RFX2: variants seen among roughly 807,000 people sequenced by gnomAD.
The protein encoded by RFX2 is DNA-binding protein RFX2.
RFX2 carries 20 observed loss-of-function variants against 87.8 expected under a neutral mutation model. The ratio of observed to expected loss-of-function variants is 0.23; its 90% CI spans 0.16 to 0.33. RFX2 has a LOEUF of 0.33. RFX2 is among the 10% of genes least tolerant of loss of function. The pLI, the probability that RFX2 is intolerant of heterozygous loss-of-function variation, is 1.00. For synonymous variants in RFX2, 397 were observed against 431.3 expected, an observed-to-expected ratio of 0.92 and a Z score of 0.98; for missense variants, 767 against 1,012.3, an observed-to-expected ratio of 0.76 and a Z score of 3.29.
At chr19:6,086,091 C>T (rs1337937040) in intron 1 of RFX2, among the ~76,000 whole-genome samples, 1 of 59,452 alleles carries the variant, frequency 1.7e-5, no homozygotes, top group Non-Finnish European at 3.1e-5. Flanking sequence ...GATCCTGTCT[C>T]AAAAAAAAAA....
intron 1 of RFX2, among the ~76,000 whole-genome samples, chr19:6,107,193 G>A (rs1488885960): frequency 6.6e-6 from 1 of 152,156 alleles, no homozygotes; most frequent in African/African-American, 2.4e-5. Context: ...CTATTCGGGA[G>A]GCTGAGGCAG....
chr19:6,037,445 C>T (rs1057073813), intron 5 of RFX2, among the ~76,000 whole-genome samples: 1 of 152,066 alleles, frequency 6.6e-6, no homozygotes, highest in Admixed American at 6.5e-5. Context: ...AATAGCTCTC[C>T]AAACATGAAA....
At chr19:6,029,573 G>T (rs994574568) in intron 5 of RFX2, among the ~76,000 whole-genome samples, 16 of 152,156 alleles carry the variant, frequency 1.1e-4, no homozygotes, top group Non-Finnish European at 2.4e-4. Context: ...GCTAGGCGTG[G>T]TGGTGGGCGT....
At chr19:6,079,696 G>T (rs111856345) in intron 1 of RFX2, among the ~76,000 whole-genome samples, 5,194 of 152,100 alleles carry the variant, frequency 0.034, 324 homozygotes, top group African/African-American at 0.12. Flanking sequence ...GACCATCCTG[G>T]CCAACATGGT....
In RFX2 at chr19:6,013,376, G is replaced by A. The variant is rs2086684263; in HGVS notation, c.780-271C>T. The stretch of plus-strand genomic sequence containing the variant: ...TATTTTTGTATTTTTAGTGGAGACG[G>A]GGTTTTGCCATGTTGGCCAGGCTGG... On this transcript the variant is annotated intron_variant, in intron 7 of 17. Transcript: ENST00000303657. The surrounding 1 kb of genome is among the most constrained non-coding windows in gnomAD (Gnocchi z 4.1). Among the ~76,000 whole-genome samples, 1 of 151,922 alleles carries A rather than the reference G, an allele frequency of 6.6e-6. No individual in the cohort carries two copies. The highest frequency in any genetic ancestry group is 2.4e-5 in the African/African-American group (1 of 41,354).
rs1248003412 is a variant in RFX2 at position 5,999,132 on chromosome 19, T to C, written c.1860-1919A>G. Among the ~76,000 whole-genome samples, 1 of 152,228 alleles carries C rather than the reference T, an allele frequency of 6.6e-6. No homozygotes were observed. The highest frequency in any genetic ancestry group is 1.9e-4 in the East Asian group (1 of 5,174). Reference sequence around the variant, plus strand: ...TCAGCCAGGCCTGGTGGTGGGCACCTGTAATCCCAGCTATTCAGGAGGCTG... The same window carrying C: ...TCAGCCAGGCCTGGTGGTGGGCACCCGTAATCCCAGCTATTCAGGAGGCTG... On this transcript the variant is annotated intron_variant, in intron 15 of 17. Transcript: ENST00000303657. The surrounding 1 kb of genome is among the most constrained non-coding windows in gnomAD (Gnocchi z 4.1).
chr19:6,070,313 G>A (rs545318775), intron 1 of RFX2, among the ~76,000 whole-genome samples: 1 of 151,966 alleles, frequency 6.6e-6, no homozygotes, highest in South Asian at 2.1e-4. Context: ...GCATGGATAT[G>A]CATCCACCAG....
intron 5 of RFX2, among the ~76,000 whole-genome samples, chr19:6,031,423 CTTTTT>C (rs58834364): frequency 1.1e-5 from 1 of 90,186 alleles, no homozygotes; most frequent in African/African-American, 4.2e-5. Context: ...TTCTCCTTCC[CTTTTT>C]TTTTTTTTTT....
chr19:6,048,355 C>G (rs1452186706), intron 1 of RFX2, among the ~76,000 whole-genome samples: 2 of 152,204 alleles, frequency 1.3e-5, no homozygotes, highest in African/African-American at 4.8e-5. Flanking sequence ...TATAAAACCA[C>G]TCATTTAATA....
rs527592990 is a variant in RFX2, at chr19:6,024,003, C to A, written c.597+2160G>T. 6.6e-6 allele frequency among the ~76,000 whole-genome samples: 1 copy of A among 152,164 alleles called. No homozygotes were observed. The highest frequency in any genetic ancestry group is 1.5e-5 in the Non-Finnish European group (1 of 68,016). On this transcript the variant is annotated intron_variant, in intron 6 of 17. Transcript: ENST00000303657. The surrounding 1 kb of genome is among the most constrained non-coding windows in gnomAD (Gnocchi z 5.0). Reference sequence around the variant, plus strand: ...TCATGTTGGTCAGGCTGGTCTGGAACTCCTGACCTCAAGTGGTACACCCGC... The same window carrying A: ...TCATGTTGGTCAGGCTGGTCTGGAAATCCTGACCTCAAGTGGTACACCCGC...
chr19:6,071,214 G>A (rs929392958), intron 1 of RFX2, among the ~76,000 whole-genome samples: 20 of 152,200 alleles, frequency 1.3e-4, no homozygotes, highest in African/African-American at 4.1e-4. Flanking sequence ...AGTCATGCTC[G>A]AATTATGCAA....
chr19:6,073,484 A>T (rs1032535282), intron 1 of RFX2: 9 of 829,108 alleles, frequency 1.1e-5, no homozygotes, highest in Non-Finnish European at 1.7e-5. Flanking sequence ...AGCTGCCGTC[A>T]GAGTCACCAA....
At chr19:6,046,318 C>T (rs569980227) in intron 2 of RFX2, among the ~76,000 whole-genome samples, 13 of 152,302 alleles carry the variant, frequency 8.5e-5, no homozygotes, top group Admixed American at 2.0e-4. Context: ...TGGTGGCTCA[C>T]GCCTGTAATC....
rs558336165 is a variant in RFX2, at chr19:6,089,674, T to C, written c.-9+20719A>G. ...CAGAAAGCAGGCCCTCCCCAGACACTGAATCTGCCAGTGCCTTGATCTTGG... is the reference window on the plus strand; with the variant it reads ...CAGAAAGCAGGCCCTCCCCAGACACCGAATCTGCCAGTGCCTTGATCTTGG... On this transcript the variant is annotated intron_variant, in intron 1 of 17. Coordinates refer to ENST00000303657, the MANE Select transcript of RFX2 (RefSeq NM_000635.4). Among the ~76,000 whole-genome samples the C allele has an allele frequency of 2.1e-4, 32 of 152,276 alleles. No individual in the cohort carries two copies. In the South Asian group the frequency reaches 5.2e-3, roughly 25 times the overall value.
At position 5,997,238 on chromosome 19, in the gene RFX2, G is replaced by A. The variant is rs778116547; in HGVS notation, c.1860-25C>T. The A allele has an allele frequency of 1.1e-5, 17 of 1,598,838 alleles. No homozygotes were observed. The African/African-American group carries it at 2.1e-4, about 20-fold the overall frequency. ...GCTGGGGACAAGCGGACAGAGGCTG[G>A]GGACCCTCAGGGGAGCATGGAACCC... is the stretch of plus-strand genomic sequence containing the variant. On this transcript the variant is annotated intron_variant, in intron 15 of 17. Coordinates refer to ENST00000303657, the MANE Select transcript of RFX2 (RefSeq NM_000635.4). This position sits in a 1 kb window ranked among gnomAD's most constrained non-coding sequence, Gnocchi z 4.2.
At chr19:6,070,152 T>TG (rs2087581338) in intron 1 of RFX2, among the ~76,000 whole-genome samples, 1 of 30,986 alleles carries the variant, frequency 3.2e-5, no homozygotes. Flanking sequence ...GGATGGGATG[T>TG]GGATGGGATG....
intron 1 of RFX2, among the ~76,000 whole-genome samples, chr19:6,108,547 CAG>C (rs1282685417): frequency 2.6e-5 from 4 of 152,212 alleles, no homozygotes; most frequent in East Asian, 1.9e-4. Flanking sequence ...TTAGTTGAAA[CAG>C]AGAATGAAGC....
rs2086682928 is a variant in RFX2 at position 6,013,234 on chromosome 19, G to C, written c.780-129C>G. 1.0e-6 allele frequency: 1 copy of C among 962,180 alleles called. No individual in the cohort carries two copies. Among genetic ancestry groups the C allele is most frequent in the Non-Finnish European group, 1.5e-6 (1 of 687,952 alleles). The allele number at this position is 962,180 out of a possible 1,614,324, so 59.6% of individuals were successfully genotyped here. A position where few individuals can be genotyped will look rare whatever the true frequency, so the allele number is the denominator to read the frequency against. ...AGAATCTCATTCTGTCGCCCAGGCT[G>C]GAGTACAGCAGTGCCATCTCGGCTC... On this transcript the variant is annotated intron_variant, in intron 7 of 17. Coordinates refer to ENST00000303657, the MANE Select transcript of RFX2 (RefSeq NM_000635.4). This position sits in a 1 kb window ranked among gnomAD's most constrained non-coding sequence, Gnocchi z 4.1.
chr19:6,049,314 T>C (rs981045097), intron 1 of RFX2: 1 of 152,188 alleles, frequency 6.6e-6, no homozygotes, highest in Admixed American at 6.5e-5. Flanking sequence ...AGTGATAAAG[T>C]CAGAATGCTG....
Sources: allele counts gnomAD v4.1 joint callset (sites outside exome capture counted in the v4.1 genomes callset), GRCh38; gene constraint gnomAD v4.1.1; non-coding constraint Gnocchi (gnomAD v3.1); transcripts MANE v1.5; gene names NCBI Gene and HGNC (gene_info 2026-07-23, HGNC 2026-07-21).